SUPT3H: variants seen among roughly 807,000 people sequenced by gnomAD.
The protein encoded by SUPT3H is transcription initiation protein SPT3 homolog.
SUPT3H carries 44 observed loss-of-function variants against 44.3 expected under a neutral mutation model. That is an observed-to-expected ratio of 0.99 (90% CI 0.78 to 1.28). The LOEUF (loss-of-function observed/expected upper bound fraction) is 1.28. Ranked by LOEUF, SUPT3H falls within the 50% of genes most tolerant of loss-of-function variation. The pLI is 0.00. For missense variants in SUPT3H, 380 were observed against 387.1 expected (o/e 0.98, Z 0.15); for synonymous variants, 124 against 125.6 (o/e 0.99, Z 0.09).
At chr6:45,078,532 A>G (rs969159213) in intron 3 of SUPT3H, among the ~76,000 whole-genome samples, 3 of 152,146 alleles carry the variant, frequency 2.0e-5, no homozygotes, top group Admixed American at 6.6e-5. Flanking sequence ...TTTTCATTAC[A>G]ATGATTCTCA....
chr6:45,113,845 A>AAT (rs1800442824), intron 2 of SUPT3H, among the ~76,000 whole-genome samples: 1 of 151,314 alleles, frequency 6.6e-6, no homozygotes, highest in African/African-American at 2.4e-5. Context: ...AAAAAAAAAA[A>AAT]AATCAAATAA....
At chr6:45,330,331 A>C (rs1316945860) in intron 2 of SUPT3H, among the ~76,000 whole-genome samples, 1 of 151,956 alleles carries the variant, frequency 6.6e-6, no homozygotes, top group Non-Finnish European at 1.5e-5. Context: ...TTATACATCG[A>C]AAGTTTTGTT....
At chr6:44,946,196 T>C (rs1309454484) in intron 9 of SUPT3H, among the ~76,000 whole-genome samples, 2 of 152,196 alleles carry the variant, frequency 1.3e-5, no homozygotes, top group Non-Finnish European at 2.9e-5. Context: ...TAATTACTGC[T>C]CATTGACAAT....
At chr6:45,274,456 T>C (rs570975123) in intron 2 of SUPT3H, among the ~76,000 whole-genome samples, 1 of 152,358 alleles carries the variant, frequency 6.6e-6, no homozygotes, top group South Asian at 2.1e-4. Context: ...CTCTTATATT[T>C]AGATCTATGA....
At chr6:45,225,151 C>A (rs1283786760) in intron 2 of SUPT3H, among the ~76,000 whole-genome samples, 1 of 149,668 alleles carries the variant, frequency 6.7e-6, no homozygotes, top group Non-Finnish European at 1.5e-5. Flanking sequence ...TGGTGGCATG[C>A]GTCTGTAATC....
chr6:44,929,708 T>C (rs961894739), intron 10 of SUPT3H, among the ~76,000 whole-genome samples: 4 of 151,476 alleles, frequency 2.6e-5, no homozygotes, highest in East Asian at 2.0e-4. Flanking sequence ...GTCCTCAGAG[T>C]GGACCTTAGG....
intron 2 of SUPT3H, chr6:45,323,088 A>G (rs1362229115): frequency 3.3e-6 from 2 of 598,836 alleles, no homozygotes; most frequent in Non-Finnish European, 5.7e-6. Context: ...TTGTGAAACA[A>G]AACACTGACA....
At chr6:45,047,572 A>C (rs1272721407) in intron 3 of SUPT3H, among the ~76,000 whole-genome samples, 2 of 152,164 alleles carry the variant, frequency 1.3e-5, no homozygotes, top group African/African-American at 2.4e-5. Context: ...CTATAGAAAG[A>C]AGGTTTTTAA....
At chr6:44,950,505 G>C (rs1282790486) in intron 9 of SUPT3H, among the ~76,000 whole-genome samples, 1 of 152,156 alleles carries the variant, frequency 6.6e-6, no homozygotes, top group Non-Finnish European at 1.5e-5. Context: ...CCAGCTACAT[G>C]GAAGGATGAG....
intron 2 of SUPT3H, among the ~76,000 whole-genome samples, chr6:45,252,384 A>T (rs766069869): frequency 6.6e-6 from 1 of 152,220 alleles, no homozygotes. Context: ...TGTGAAACCA[A>T]TATTATTTCT....
intron 2 of SUPT3H, among the ~76,000 whole-genome samples, chr6:45,150,767 G>A (rs1188964935): frequency 2.3e-5 from 3 of 127,742 alleles, no homozygotes; most frequent in African/African-American, 9.5e-5. Context: ...CTGTCGCCCA[G>A]GCTGGAGTGC....
At chr6:45,020,685 G>A in intron 3 of SUPT3H, 53 bp from the exon 4 acceptor site, 2 of 1,295,536 alleles carry the variant, frequency 1.5e-6, no homozygotes, top group Non-Finnish European at 2.2e-6. Flanking sequence ...ATTATATATA[G>A]TACAGTCATG....
At position 45,255,100 on chromosome 6, in the gene SUPT3H, T is replaced by C. The variant is rs527455398; in HGVS notation, c.101+110101A>G. On this transcript the variant is annotated intron_variant, in intron 2 of 10. Coordinates refer to ENST00000371459, the MANE Select transcript of SUPT3H (RefSeq NM_003599.4). ...TATTGCTATGATTGTACTATTTTAT[T>C]AGTTGCTGCTAATCTCATACTATGC... 1.8e-4 allele frequency among the ~76,000 whole-genome samples: 28 copies of C among 152,324 alleles called. No homozygotes were observed. In the South Asian group the frequency reaches 5.0e-3, roughly 27 times the overall value.
At chr6:45,220,592 A>C (rs1765869976) in intron 2 of SUPT3H, among the ~76,000 whole-genome samples, 1 of 152,232 alleles carries the variant, frequency 6.6e-6, no homozygotes, top group South Asian at 2.1e-4. Flanking sequence ...ACCATAAGAA[A>C]AAGAAATAAA....
intron 2 of SUPT3H, among the ~76,000 whole-genome samples, chr6:45,195,325 A>G (rs2153621533): frequency 6.6e-6 from 1 of 152,290 alleles, no homozygotes; most frequent in African/African-American, 2.4e-5. Context: ...GCCACCAACT[A>G]GGTACAGGTG....
chr6:45,366,403 T>C (rs1409378347), intron 1 of SUPT3H, among the ~76,000 whole-genome samples: 1 of 152,214 alleles, frequency 6.6e-6, no homozygotes, highest in Non-Finnish European at 1.5e-5. Flanking sequence ...TTCTTAGGGC[T>C]GTTGTGAGAA....
chr6:45,371,280 G>A lies in SUPT3H; in HGVS notation c.1-5979C>T, dbSNP rs567456757. 4.0e-5 allele frequency among the ~76,000 whole-genome samples: 6 copies of A among 151,826 alleles called. No homozygotes were observed. The South Asian group carries it at 1.0e-3, about 27-fold the overall frequency. On this transcript the variant is annotated intron_variant, in intron 1 of 10. Coordinates refer to ENST00000371459, the MANE Select transcript of SUPT3H (RefSeq NM_003599.4). ...AAACAATTTACAAAATATCTGATGT[G>A]TTTAAAAACAGTTTATGTGACCAAA...
chr6:45,074,720 C>T (rs1794792459), intron 3 of SUPT3H, among the ~76,000 whole-genome samples: 1 of 151,932 alleles, frequency 6.6e-6, no homozygotes. Context: ...AAATACTATT[C>T]CTTGCTTTTG....
In SUPT3H at chr6:44,828,340, ATATC is replaced by A. The variant is rs1389209395; in HGVS notation, c.*1472_*1475del. Among the ~76,000 whole-genome samples, 1 of 152,132 alleles carries A rather than the reference ATATC, an allele frequency of 6.6e-6. No individual in the cohort carries two copies. Among genetic ancestry groups the A allele is most frequent in the African/African-American group, 2.4e-5 (1 of 41,456 alleles). On this transcript the variant is annotated 3_prime_UTR_variant, in exon 11 of 11. Transcript: ENST00000371459. ...TCCTTTGGGAATATTTTGATATTAT[ATATC>A]TATCCGTGCTTTTTGTTTCTGAAAT...
Sources: gnomAD v4.1 joint callset for allele counts (sites outside exome capture counted in the v4.1 genomes callset) on GRCh38, gnomAD v4.1.1 for gene constraint, MANE v1.5 for transcripts, NCBI Gene and HGNC (gene_info 2026-07-23, HGNC 2026-07-21) for gene names.